Variants in TSFM observed in about 807,000 individuals in gnomAD.
TSFM encodes elongation factor Ts, mitochondrial.
A neutral mutation model predicts 33.4 loss-of-function variants in TSFM; 29 were observed. The observed-to-expected ratio is 0.87, with a 90% CI of 0.65 to 1.18. The LOEUF (loss-of-function observed/expected upper bound fraction) is 1.18, where lower values mean the gene tolerates loss of function less well. Among genes scored for constraint, TSFM ranks in the 50% most tolerant of loss-of-function variants. The pLI is 0.00. For synonymous variants in TSFM, 178 were observed against 163.5 expected, an observed-to-expected ratio of 1.09 and a Z score of -0.68; for missense variants, 394 against 395.6, an observed-to-expected ratio of 1.00 and a Z score of 0.04.
chr12:57,790,797 G>GT lies in TSFM; in HGVS notation c.484-2178dup, dbSNP rs1042313254. Reference sequence around the variant, plus strand: ...TTTTAATTTTATTTTTTAAATGTGTGTTTTTTTTTTTGGCTGGGCACAGTG... The same window carrying GT: ...TTTTAATTTTATTTTTTAAATGTGTGTTTTTTTTTTTTGGCTGGGCACAGTG... On this transcript the variant is annotated intron_variant, in intron 4 of 5. Coordinates refer to ENST00000652027, the MANE Select transcript of TSFM (RefSeq NM_005726.6). 5.4e-3 allele frequency among the ~76,000 whole-genome samples: 764 copies of GT among 141,816 alleles called. 5 individuals are homozygous for GT. The highest frequency in any genetic ancestry group is 0.014 in the African/African-American group (564 of 38,950). 93.0% of individuals were successfully genotyped at this position (141,816 alleles called of 152,430 possible).
chr12:57,783,330 A>C (rs1565819896), intron 2 of TSFM, 47 bp downstream of exon 2: 1 of 1,610,964 alleles, frequency 6.2e-7, no homozygotes, highest in Non-Finnish European at 8.5e-7. Flanking sequence ...GCTCGACCTC[A>C]GACTCTTGGG....
chr12:57,789,393 A>AT (rs965851319), intron 4 of TSFM, among the ~76,000 whole-genome samples: 5 of 151,426 alleles, frequency 3.3e-5, no homozygotes, highest in Non-Finnish European at 5.9e-5. Flanking sequence ...CACATTTAGG[A>AT]TTTTTTTTTC....
chr12:57,797,764 T>TA (rs1858787618), downstream of TSFM: 3 of 846,712 alleles, frequency 3.5e-6, no homozygotes, highest in Non-Finnish European at 5.0e-6. Context: ...TTGCAGACTC[T>TA]ATTATATCTA....
chr12:57,792,543 C>T (rs1383369370), intron 4 of TSFM, among the ~76,000 whole-genome samples: 3 of 151,636 alleles, frequency 2.0e-5, no homozygotes, highest in Non-Finnish European at 4.4e-5. Flanking sequence ...ACATTCTTGC[C>T]TTTATGAAAA....
chr12:57,796,496 G>A lies in TSFM; in HGVS notation c.891G>A (p.Gly297=), dbSNP rs1955742615. Residue 297 remains glycine (G), a synonymous_variant, in exon 6 of 6, where the codon GGG becomes GGA. Coordinates refer to ENST00000652027, the MANE Select transcript of TSFM (RefSeq NM_005726.6). ...PYLLDPSITL[G]QYVQPQGVSV... is the part of the protein sequence containing the mutation. Reference sequence around the variant, plus strand: ...TGCTGGATCCCTCCATTACCTTGGGGCAGTATGTGCAGCCTCAGGGGGTGT... The same window carrying A: ...TGCTGGATCCCTCCATTACCTTGGGACAGTATGTGCAGCCTCAGGGGGTGT... 6.4e-7 allele frequency: 1 copy of A among 1,558,338 alleles called. No homozygotes were observed. Among genetic ancestry groups the A allele is most frequent in the South Asian group, 1.2e-5 (1 of 81,468 alleles).
At chr12:57,799,819 C>G (rs766006295), downstream of TSFM, 9 of 1,614,120 alleles carry the variant, frequency 5.6e-6, no homozygotes, top group Admixed American at 1.7e-5. Flanking sequence ...GGTTTACATC[C>G]TCAGGCAGCT....
At position 57,796,390 on chromosome 12, in the gene TSFM, G is replaced by A. The variant is rs369783769; in HGVS notation, c.785G>A (p.Gly262Asp). The stretch of plus-strand genomic sequence containing the variant: ...CGCCGCCTTGGGCAGCATGTGGTGG[G>A]CATGGCCCCCCTCTCTGTTGGCTCC... ...VGRRLGQHVV[G>D]MAPLSVGSLD... is the part of the protein sequence containing the mutation. The change falls in exon 6 of 6, where the codon GGC becomes GAC. Residue 262 changes from glycine to aspartate, a missense_variant. Physicochemically the swap from Gly to Asp is moderately conservative, Grantham distance 94. This residue lies in a region of TSFM where 186 missense variants were observed against 198.8 expected (regional missense o/e 0.94). Transcript: ENST00000652027. 5.9e-5 allele frequency: 94 copies of A among 1,602,198 alleles called. No homozygotes were observed. The highest frequency in any genetic ancestry group is 7.4e-5 in the Non-Finnish European group (87 of 1,174,266).
rs140461538 is a variant in TSFM at position 57,796,331 on chromosome 12, G to A, written c.726G>A (p.Thr242=). The change falls in exon 6 of 6, where the codon ACG becomes ACA. Residue 242 remains threonine, a synonymous_variant. Transcript: ENST00000652027. ...ATGGGGCCCTGGTCATCTGTGAGACGTCTGAACAGAAAACAAACCTTGAAG... is the reference window on the plus strand; with the variant it reads ...ATGGGGCCCTGGTCATCTGTGAGACATCTGAACAGAAAACAAACCTTGAAG... ...GKYGALVICE[T]SEQKTNLEDV... is the part of the protein sequence containing the mutation. 56 of 1,609,596 alleles carry A rather than the reference G, an allele frequency of 3.5e-5. No homozygotes were observed. In the African/African-American group the frequency reaches 5.7e-4, roughly 17 times the overall value.
chr12:57,791,135 G>A (rs1211332792), intron 4 of TSFM, among the ~76,000 whole-genome samples: 1 of 151,156 alleles, frequency 6.6e-6, no homozygotes, highest in Non-Finnish European at 1.5e-5. Context: ...TCAGCCTCCT[G>A]AGTAGCTGAG....
chr12:57,787,187 G>A (rs1955602822), intron 4 of TSFM, 25 bp downstream of exon 4: 1 of 1,549,786 alleles, frequency 6.5e-7, no homozygotes, highest in Non-Finnish European at 8.7e-7. Context: ...TGTCTCCAGT[G>A]TGCTGAATTT....
rs1394052464 is a variant in TSFM, at chr12:57,796,235, G to T, written c.630G>T (p.Gly210=). ...KRAAWVKVPS[G]FYVGSYVHGA... is the part of the protein sequence containing the mutation. ...CTGCATGGGTGAAGGTGCCATCTGG[G>T]TTCTACGTTGGCTCTTATGTCCACG... The change falls in exon 6 of 6, where the codon GGG becomes GGT. Residue 210 remains glycine, a synonymous_variant. Transcript: ENST00000652027. 1 of 1,612,712 alleles carries T rather than the reference G, an allele frequency of 6.2e-7. No individual in the cohort carries two copies. The highest frequency in any genetic ancestry group is 2.2e-5 in the East Asian group (1 of 44,868).
chr12:57,800,913 TTTG>T (rs1955834384), downstream of TSFM, among the ~76,000 whole-genome samples: 1 of 152,298 alleles, frequency 6.6e-6, no homozygotes, highest in Admixed American at 6.5e-5. Flanking sequence ...CGGCCCCATT[TTTG>T]TTGTTTTTAC....
chr12:57,793,476 C>T (rs926479084), intron 5 of TSFM, among the ~76,000 whole-genome samples: 4 of 152,178 alleles, frequency 2.6e-5, no homozygotes, highest in Non-Finnish European at 5.9e-5. Context: ...CCCGCCTCGG[C>T]CTCCCAAAGT....
chr12:57,784,347 A>C (rs1289158034), intron 2 of TSFM, among the ~76,000 whole-genome samples: 1 of 152,262 alleles, frequency 6.6e-6, no homozygotes, highest in African/African-American at 2.4e-5. Flanking sequence ...ACTATGGTGC[A>C]CTATAGTAGA....
chr12:57,794,112 A>G (rs960920815), intron 5 of TSFM, among the ~76,000 whole-genome samples: 1 of 152,186 alleles, frequency 6.6e-6, no homozygotes, highest in Non-Finnish European at 1.5e-5. Context: ...TGTATTATCT[A>G]TGATGTTTCA....
chr12:57,784,909 G>T (rs1235096898), intron 2 of TSFM, among the ~76,000 whole-genome samples: 7 of 125,826 alleles, frequency 5.6e-5, no homozygotes, highest in East Asian at 2.6e-4. Context: ...TTTTTTTATT[G>T]AAATATCTTT....
Position 57,797,348 on chromosome 12 carries a change from C to CAG in TSFM, c.*767_*768dup. The CAG allele has an allele frequency of 1.0e-6, 1 of 985,386 alleles. No individual in the cohort carries two copies. The highest frequency in any genetic ancestry group is 1.2e-6 in the Non-Finnish European group (1 of 829,908). The allele number at this position is 985,386 out of a possible 1,614,324, so 61.0% of individuals were successfully genotyped here. On this transcript the variant is annotated 3_prime_UTR_variant, in exon 6 of 6. Coordinates refer to ENST00000652027, the MANE Select transcript of TSFM (RefSeq NM_005726.6). ...TATAACATAAAATTACCGTAACAAG[C>CAG]AGACCCAGAATACTGAAAATAACTC...
intron 4 of TSFM, among the ~76,000 whole-genome samples, chr12:57,788,468 A>T (rs1955618369): frequency 1.3e-5 from 2 of 151,970 alleles, no homozygotes; most frequent in South Asian, 4.2e-4. Flanking sequence ...GTAAAGACAG[A>T]GTTTCACCAT....
At chr12:57,799,353 A>G (rs1429257161), downstream of TSFM, among the ~76,000 whole-genome samples, 1 of 152,232 alleles carries the variant, frequency 6.6e-6, no homozygotes, top group Admixed American at 6.5e-5. Flanking sequence ...TGGTATATGA[A>G]ATGAAATCAG....
Sources: allele counts gnomAD v4.1 joint callset (sites outside exome capture counted in the v4.1 genomes callset), GRCh38; gene constraint gnomAD v4.1.1; regional missense constraint gnomAD v4.1.1; transcripts MANE v1.5; gene names NCBI Gene and HGNC (gene_info 2026-07-23, HGNC 2026-07-21).